The following POU6F2 variants were observed in gnomAD, a reference collection of about 807,000 sequenced individuals.
POU6F2 encodes POU domain, class 6, transcription factor 2.
Under a neutral mutation model 71.3 loss-of-function variants are expected in POU6F2, and 31 were observed. That is an observed-to-expected ratio of 0.43 (90% CI 0.33 to 0.59). POU6F2 has a LOEUF of 0.59. Ranked by LOEUF, POU6F2 falls within the 20% of genes least tolerant of loss-of-function variation. The pLI is 0.04. For missense variants in POU6F2, 783 were observed against 856.8 expected (o/e 0.91, Z 1.07); for synonymous variants, 347 against 355.7 (o/e 0.98, Z 0.27).
At chr7:39,168,179 A>C (rs1305775382) in intron 2 of POU6F2, among the ~76,000 whole-genome samples, 2 of 152,160 alleles carry the variant, frequency 1.3e-5, no homozygotes, top group Non-Finnish European at 2.9e-5. Flanking sequence ...ACCAAGCATC[A>C]ATAATAGCCT....
In POU6F2 at chr7:39,258,698, G is replaced by A. The variant is rs530301977; in HGVS notation, c.598+51078G>A. On this transcript the variant is annotated intron_variant, in intron 4 of 9. Transcript: ENST00000518318. ...TGCTTTTTGGATTTTTACTCTAGAT[G>A]TTTAAAAAAAAAAAAAGAAGAAGAA... Among the ~76,000 whole-genome samples the A allele has an allele frequency of 5.5e-5, 7 of 127,754 alleles. No individual in the cohort carries two copies. In the South Asian group the frequency reaches 1.7e-3, roughly 31 times the overall value. 83.8% of individuals were successfully genotyped at this position (127,754 alleles called of 152,430 possible). A position where few individuals can be genotyped will look rare whatever the true frequency, so the allele number is the denominator to read the frequency against.
At chr7:39,067,378 T>C (rs1790778767) in intron 1 of POU6F2, among the ~76,000 whole-genome samples, 1 of 151,874 alleles carries the variant, frequency 6.6e-6, no homozygotes, top group African/African-American at 2.4e-5. Flanking sequence ...AGGGAAGTGA[T>C]TTCTTTTCAT....
Position 39,162,063 on chromosome 7 carries a change from C to T in POU6F2, c.278-42172C>T, listed in dbSNP as rs73365560. On this transcript the variant is annotated intron_variant, in intron 2 of 9. Transcript: ENST00000518318. ...CTTTCTGCTGATCCATTTATAACCTCTCATGGAGTTTCCATGGTGACTAGG... is the reference window on the plus strand; with the variant it reads ...CTTTCTGCTGATCCATTTATAACCTTTCATGGAGTTTCCATGGTGACTAGG... 6.5e-3 allele frequency among the ~76,000 whole-genome samples: 996 copies of T among 152,264 alleles called. 9 individuals carry two copies. Among genetic ancestry groups the T allele is most frequent in the African/African-American group, 0.023 (955 of 41,560 alleles).
At chr7:39,171,005 T>C (rs1463296624) in intron 2 of POU6F2, among the ~76,000 whole-genome samples, 1 of 150,382 alleles carries the variant, frequency 6.6e-6, no homozygotes, top group Non-Finnish European at 1.5e-5. Context: ...TTAAATGTAG[T>C]TCACATATAT....
intron 4 of POU6F2, among the ~76,000 whole-genome samples, chr7:39,318,960 T>TTTTTTAG (rs1189785370): frequency 6.6e-6 from 1 of 151,982 alleles, no homozygotes; most frequent in East Asian, 1.9e-4. Context: ...CTGGGCAACA[T>TTTTTTAG]AGTGAGACTC....
rs1374969899 is a variant in POU6F2 at position 39,364,189 on chromosome 7, A to G, written c.972+24174A>G. 4.0e-5 allele frequency among the ~76,000 whole-genome samples: 6 copies of G among 151,826 alleles called. 1 individual carries two copies. In the South Asian group the frequency reaches 8.3e-4, roughly 21 times the overall value. ...TCATCCACAGGAACGGAACACAGACATAGTTGCTGCAGGTGAGTATTGCAG... is the reference window on the plus strand; with the variant it reads ...TCATCCACAGGAACGGAACACAGACGTAGTTGCTGCAGGTGAGTATTGCAG... On this transcript the variant is annotated intron_variant, in intron 5 of 9. Coordinates refer to ENST00000518318, the MANE Select transcript of POU6F2 (RefSeq NM_001370959.1).
intron 1 of POU6F2, among the ~76,000 whole-genome samples, chr7:39,076,013 G>A (rs1380542269): frequency 6.6e-6 from 1 of 152,208 alleles, no homozygotes; most frequent in African/African-American, 2.4e-5. Context: ...CAGCATATGG[G>A]TCAGTATGTA....
intron 2 of POU6F2, among the ~76,000 whole-genome samples, chr7:39,115,519 C>T (rs1421594840): frequency 1.3e-5 from 2 of 152,116 alleles, no homozygotes; most frequent in East Asian, 1.9e-4. Flanking sequence ...CATGAAGTTC[C>T]TTATGGCTTT....
chr7:39,320,258 A>G (rs1785356852), intron 4 of POU6F2, among the ~76,000 whole-genome samples: 1 of 152,176 alleles, frequency 6.6e-6, no homozygotes, highest in Non-Finnish European at 1.5e-5. Context: ...CTCCGTCAGA[A>G]GACCTACCTC....
chr7:39,294,858 T>C (rs1319585326), intron 4 of POU6F2, among the ~76,000 whole-genome samples: 2 of 152,110 alleles, frequency 1.3e-5, no homozygotes, highest in African/African-American at 4.8e-5. Flanking sequence ...AGACCTCTTA[T>C]GGGATGCTTG....
chr7:39,229,033 A>T (rs1794523976), intron 4 of POU6F2, among the ~76,000 whole-genome samples: 2 of 152,164 alleles, frequency 1.3e-5, no homozygotes, highest in South Asian at 4.1e-4. Flanking sequence ...ATCTCCATAG[A>T]CCACAAAGTA....
At chr7:39,038,662 A>G (rs1393406561) in intron 1 of POU6F2, among the ~76,000 whole-genome samples, 1 of 151,258 alleles carries the variant, frequency 6.6e-6, no homozygotes, top group Admixed American at 6.6e-5. Context: ...CCCTTTAAAA[A>G]CCTCTTTAGT....
chr7:39,107,834 T>C (rs1791723810), intron 2 of POU6F2, among the ~76,000 whole-genome samples: 1 of 152,170 alleles, frequency 6.6e-6, no homozygotes, highest in Non-Finnish European at 1.5e-5. Context: ...TATTGTGGGA[T>C]GCAGCCATCC....
At chr7:39,160,375 C>T (rs989385260) in intron 2 of POU6F2, among the ~76,000 whole-genome samples, 2 of 152,218 alleles carry the variant, frequency 1.3e-5, no homozygotes, top group Admixed American at 6.5e-5. Context: ...TGTACTTTTC[C>T]GTCCCACAGA....
At chr7:39,162,146 A>G (rs1208043806) in intron 2 of POU6F2, among the ~76,000 whole-genome samples, 5 of 152,224 alleles carry the variant, frequency 3.3e-5, no homozygotes, top group African/African-American at 4.8e-5. Flanking sequence ...TCTGTAGAAC[A>G]CAGAGAGCCT....
chr7:39,153,111 T>C (rs1305312409), intron 2 of POU6F2, among the ~76,000 whole-genome samples: 1 of 152,192 alleles, frequency 6.6e-6, no homozygotes, highest in Admixed American at 6.5e-5. Flanking sequence ...TCTGCGGTGA[T>C]GTGCGTTGGA....
chr7:39,192,367 T>G (rs962413958), intron 2 of POU6F2, among the ~76,000 whole-genome samples: 11 of 152,324 alleles, frequency 7.2e-5, no homozygotes, highest in African/African-American at 2.6e-4. Flanking sequence ...TAATTTAAAG[T>G]GGTGCTTTGG....
chr7:38,997,862 A>G (rs187614361), intron 1 of POU6F2, among the ~76,000 whole-genome samples: 45 of 152,306 alleles, frequency 3.0e-4, no homozygotes, highest in Non-Finnish European at 3.5e-4. Flanking sequence ...TTTTTAGAGG[A>G]AAGAGATTAT....
chr7:39,098,348 G>A (rs944370280), intron 2 of POU6F2, among the ~76,000 whole-genome samples: 1 of 151,796 alleles, frequency 6.6e-6, no homozygotes, highest in African/African-American at 2.4e-5. Flanking sequence ...TATGATCATG[G>A]CTGCAGCCTC....
Sources: allele counts gnomAD v4.1 joint callset (sites outside exome capture counted in the v4.1 genomes callset), GRCh38; gene constraint gnomAD v4.1.1; transcripts MANE v1.5; gene names NCBI Gene and HGNC (gene_info 2026-07-23, HGNC 2026-07-21).